Variants in PVALB observed in about 807,000 individuals in gnomAD.
PVALB encodes the protein parvalbumin alpha.
In PVALB, 11 loss-of-function variants were observed where a neutral mutation model predicts 10.9. The ratio of observed to expected loss-of-function variants is 1.01; its 90% CI spans 0.63 to 1.67. PVALB has a LOEUF of 1.67. Ranked by LOEUF, PVALB falls within the 40% of genes most tolerant of loss-of-function variation. The probability of loss-of-function intolerance (pLI) is 0.00; values close to 1 mark genes in which losing one functional copy is unlikely to be tolerated. For missense variants in PVALB, 131 were observed against 136.2 expected (o/e 0.96, Z 0.19); for synonymous variants, 57 against 50.7 (o/e 1.12, Z -0.53).
intron 1 of PVALB, among the ~76,000 whole-genome samples, chr22:36,815,875 A>C (rs1255736875): frequency 6.6e-6 from 1 of 151,354 alleles, no homozygotes; most frequent in East Asian, 1.9e-4. Flanking sequence ...GTGAAGGGAG[A>C]GGGTTATCCC....
chr22:36,813,620 C>G, intron 3 of PVALB, 26 bp downstream of exon 3: 1 of 1,567,960 alleles, frequency 6.4e-7, no homozygotes, highest in Non-Finnish European at 8.8e-7. Context: ...CACAATATGC[C>G]CAGACCCCAG....
intron 3 of PVALB, among the ~76,000 whole-genome samples, chr22:36,810,950 G>A (rs766606925): frequency 1.3e-5 from 2 of 152,214 alleles, no homozygotes; most frequent in Non-Finnish European, 2.9e-5. Context: ...GTGTATATGT[G>A]TAGAGCTGCA....
intron 3 of PVALB, among the ~76,000 whole-genome samples, chr22:36,812,121 A>G (rs991359880): frequency 3.3e-5 from 5 of 152,154 alleles, no homozygotes; most frequent in South Asian, 2.1e-4. Context: ...CAGAATCTTA[A>G]TTTTCACAAC....
At position 36,812,730 on chromosome 22, in the gene PVALB, C is replaced by T. The variant is rs545963333; in HGVS notation, c.304+916G>A. On this transcript the variant is annotated intron_variant, in intron 3 of 3. Transcript: ENST00000417718. ...GTTTTCTCTGAGACCAGCAGAAAAG[C>T]CTATTATGGGAACAAATGGCAGCTT... Among the ~76,000 whole-genome samples the T allele has an allele frequency of 7.2e-5, 11 of 152,322 alleles. No individual in the cohort carries two copies. In the South Asian group the frequency reaches 2.3e-3, roughly 32 times the overall value.
chr22:36,811,014 G>A (rs1009553124), intron 3 of PVALB, among the ~76,000 whole-genome samples: 9 of 152,338 alleles, frequency 5.9e-5, no homozygotes, highest in Non-Finnish European at 1.2e-4. Context: ...AGTGGCTCAT[G>A]CCTGTAACCC....
At chr22:36,813,506 G>C (rs533429346) in intron 3 of PVALB, 140 bp downstream of exon 3, 1 of 680,920 alleles carries the variant, frequency 1.5e-6, no homozygotes, top group Non-Finnish European at 2.6e-6. Context: ...AGACCTAATG[G>C]ACTGCTTTTT....
rs1939151308 is a variant in PVALB, at chr22:36,816,993, C to G, written c.13G>C (p.Asp5His). The change falls in exon 1 of 4, where the codon GAC (aspartate) becomes CAC (histidine). Residue 5 changes from aspartate (D) to histidine (H), a missense_variant. Transcript: ENST00000417718. MSMTDLLNAEDIKKA... is the reference protein window; with the variant it reads MSMTHLLNAEDIKKA... ...TTGATGTCCTCAGCGTTCAGCAAGT[C>G]TGTCATCGACATCCTGCAACTGTTT... The G allele has an allele frequency of 2.5e-6, 4 of 1,609,550 alleles. No homozygotes were observed. The highest frequency in any genetic ancestry group is 3.4e-6 in the Non-Finnish European group (4 of 1,178,606).
chr22:36,813,402 A>G, intron 3 of PVALB: 1 of 484,244 alleles, frequency 2.1e-6, no homozygotes, highest in South Asian at 3.6e-5. Flanking sequence ...TGGATCCCCT[A>G]CCCAGCAGGA....
At position 36,804,308 on chromosome 22, in the gene PVALB, C is replaced by A. The variant is rs530390472; in HGVS notation, c.305-3390G>T. 9.2e-5 allele frequency among the ~76,000 whole-genome samples: 14 copies of A among 152,326 alleles called. No homozygotes were observed. The East Asian group carries it at 9.6e-4, about 10-fold the overall frequency. On this transcript the variant is annotated intron_variant, in intron 3 of 3. Transcript: ENST00000417718. Reference sequence around the variant, plus strand: ...GACTCTCCGGTGACGGAAAGTCAGACATTTTGGAGCCAGACTTTGGGAGGT... The same window carrying A: ...GACTCTCCGGTGACGGAAAGTCAGAAATTTTGGAGCCAGACTTTGGGAGGT...
chr22:36,809,224 GCA>G (rs1292683190), intron 3 of PVALB, among the ~76,000 whole-genome samples: 1 of 152,158 alleles, frequency 6.6e-6, no homozygotes, highest in African/African-American at 2.4e-5. Context: ...CCTCATCACT[GCA>G]CAGTGCTGCC....
intron 3 of PVALB, among the ~76,000 whole-genome samples, chr22:36,804,564 C>G (rs1257343040): frequency 6.6e-6 from 1 of 152,228 alleles, no homozygotes; most frequent in Admixed American, 6.5e-5. Flanking sequence ...GGGCTGAGCT[C>G]TTAGGAGCCA....
At chr22:36,806,975 G>A (rs997719689) in intron 3 of PVALB, among the ~76,000 whole-genome samples, 2 of 152,160 alleles carry the variant, frequency 1.3e-5, no homozygotes, top group African/African-American at 4.8e-5. Flanking sequence ...ATGCATGGAG[G>A]GGAATGTCTT....
chr22:36,800,847 GT>G lies in PVALB; in HGVS notation c.*42del, dbSNP rs759135487. 2.5e-6 allele frequency: 4 copies of G among 1,573,530 alleles called. No individual in the cohort carries two copies. The African/African-American group carries it at 5.4e-5, about 21-fold the overall frequency. ...GTGGCGAGAGGGGCCGAGATTGGGTGTTCAGGGCAGAGAGGTGGAAGACCAG... is the reference window on the plus strand; with the variant it reads ...GTGGCGAGAGGGGCCGAGATTGGGTGTCAGGGCAGAGAGGTGGAAGACCAG... On this transcript the variant is annotated 3_prime_UTR_variant, in exon 4 of 4. Coordinates refer to ENST00000417718, the MANE Select transcript of PVALB (RefSeq NM_001315532.2).
chr22:36,805,774 C>T (rs1017207326), intron 3 of PVALB, among the ~76,000 whole-genome samples: 2 of 151,982 alleles, frequency 1.3e-5, no homozygotes, highest in East Asian at 1.9e-4. Flanking sequence ...TTCCGCCTCC[C>T]GTGTGGATCT....
Position 36,800,759 on chromosome 22 carries a change from G to A in PVALB, c.*131C>T, listed in dbSNP as rs952050601. On this transcript the variant is annotated 3_prime_UTR_variant, in exon 4 of 4. Transcript: ENST00000417718. ...ATTTTCCAGAAGAATGGTGTCATTA[G>A]AGGGCCACAGGGGATGGGGGAGTAA... 2 of 990,116 alleles carry A rather than the reference G, an allele frequency of 2.0e-6. No homozygotes were observed. Among genetic ancestry groups the A allele is most frequent in the African/African-American group, 3.2e-5 (2 of 62,918 alleles). The allele number at this position is 990,116 out of a possible 1,614,324, so 61.3% of individuals were successfully genotyped here.
rs572259542 is a variant in PVALB, at chr22:36,806,237, G to A, written c.305-5319C>T. ...CAGTACTTTTGCAGTCTAAATCCTCGCCCAAGACCCTCTGGGGCCAGCTTG... is the reference window on the plus strand; with the variant it reads ...CAGTACTTTTGCAGTCTAAATCCTCACCCAAGACCCTCTGGGGCCAGCTTG... On this transcript the variant is annotated intron_variant, in intron 3 of 3. Coordinates refer to ENST00000417718, the MANE Select transcript of PVALB (RefSeq NM_001315532.2). Among the ~76,000 whole-genome samples the A allele has an allele frequency of 1.6e-4, 25 of 152,230 alleles. No homozygotes were observed. In the South Asian group the frequency reaches 4.8e-3, roughly 29 times the overall value.
chr22:36,804,944 G>GAACA (rs796769553), intron 3 of PVALB, among the ~76,000 whole-genome samples: 75 of 151,996 alleles, frequency 4.9e-4, no homozygotes, highest in African/African-American at 1.3e-3. Flanking sequence ...AAAAACAAAC[G>GAACA]AACAAACAAA....
chr22:36,816,707 C>G (rs1042318361), intron 1 of PVALB, among the ~76,000 whole-genome samples: 1 of 152,228 alleles, frequency 6.6e-6, no homozygotes, highest in East Asian at 1.9e-4. Flanking sequence ...TCAGCACCCT[C>G]AAGTTTCTGT....
chr22:36,808,466 G>A (rs7290425), intron 3 of PVALB, among the ~76,000 whole-genome samples: 11 of 152,302 alleles, frequency 7.2e-5, no homozygotes, highest in African/African-American at 2.6e-4. Context: ...GAGAGACCCT[G>A]GGCATGTCAC....
Sources: gnomAD v4.1 joint callset for allele counts (sites outside exome capture counted in the v4.1 genomes callset) on GRCh38, gnomAD v4.1.1 for gene constraint, MANE v1.5 for transcripts, NCBI Gene and HGNC (gene_info 2026-07-23, HGNC 2026-07-21) for gene names.